Variants in PLIN1 observed in about 807,000 individuals in gnomAD.
PLIN1 encodes the protein perilipin 1.
In PLIN1, 37 loss-of-function variants were observed where a neutral mutation model predicts 45.8. The ratio of observed to expected loss-of-function variants is 0.81; its 90% confidence interval spans 0.62 to 1.06. The LOEUF is 1.06. Among genes scored for constraint, PLIN1 ranks in the 50% least tolerant of loss-of-function variants. The probability of loss-of-function intolerance (pLI) is 0.00; values close to 1 mark genes in which losing one functional copy is unlikely to be tolerated. For synonymous variants in PLIN1, 340 were observed against 309.2 expected, an observed-to-expected ratio of 1.10 and a Z score of -1.05; for missense variants, 776 against 716.5, an observed-to-expected ratio of 1.08 and a Z score of -0.95.
At chr15:89,667,853 C>T in intron 6 of PLIN1, 60 bp from the exon 7 acceptor site, 2 of 1,537,046 alleles carry the variant, frequency 1.3e-6, no homozygotes, top group East Asian at 4.9e-5. Flanking sequence ...CCAGGGAGCC[C>T]CAGCAGCCCA....
intron 1 of PLIN1, among the ~76,000 whole-genome samples, chr15:89,678,424 C>T (rs752177386): frequency 3.3e-5 from 5 of 151,552 alleles, no homozygotes; most frequent in South Asian, 2.1e-4. Flanking sequence ...GCAGGAGGAT[C>T]GCTTGAGCCT....
At position 89,665,562 on chromosome 15, in the gene PLIN1, C is replaced by T; in HGVS notation, c.*21G>A. 3.3e-6 allele frequency: 5 copies of T among 1,522,970 alleles called. No individual in the cohort carries two copies. Among genetic ancestry groups the T allele is most frequent in the Non-Finnish European group, 4.4e-6 (5 of 1,137,226 alleles). 94.3% of individuals were successfully genotyped at this position (1,522,970 alleles called of 1,614,324 possible). On this transcript the variant is annotated 3_prime_UTR_variant, in exon 9 of 9. Transcript: ENST00000300055. ...GTTAGAGAAACCCGCCGGCCCGGGG[C>T]GCGGCGGCTGGTGCGGCGACTCAGC...
chr15:89,666,999 G>A lies in PLIN1; in HGVS notation c.1146C>T (p.Ser382=), dbSNP rs1964353352. The change falls in exon 8 of 9, where the codon TCC becomes TCT. Residue 382 remains serine (S), a synonymous_variant. Transcript: ENST00000300055. ...AVSSTKGRAM[S]LSDALKGVTD... The stretch of plus-strand genomic sequence containing the variant: ...TAACGCCCTTCAGGGCATCTGATAG[G>A]GACATGGCCCTCCCCTTGGTTGAGG... 1 of 1,613,972 alleles carries A rather than the reference G, an allele frequency of 6.2e-7. No individual in the cohort carries two copies. The highest frequency in any genetic ancestry group is 1.1e-5 in the South Asian group (1 of 91,082).
chr15:89,665,718 T>C lies in PLIN1; in HGVS notation c.1434A>G (p.Ala478=). The change falls in exon 9 of 9, where the codon GCA becomes GCG. Residue 478 remains alanine, a synonymous_variant. Coordinates refer to ENST00000300055, the MANE Select transcript of PLIN1 (RefSeq NM_002666.5). ...CGGCCGGGAAGCCCGGGCGCGGCGC[T>C]GCGGGCGTGGCGACTTCGTCCTCCA... ...PGLEDEVATP[A]APRPGFPAVP... 1.4e-6 allele frequency: 2 copies of C among 1,462,342 alleles called. No homozygotes were observed. The highest frequency in any genetic ancestry group is 1.3e-5 in the South Asian group (1 of 76,372). The allele number at this position is 1,462,342 out of a possible 1,614,324, so 90.6% of individuals were successfully genotyped here.
intron 8 of PLIN1, 129 bp from the exon 9 acceptor site, chr15:89,666,071 G>C: frequency 1.6e-6 from 1 of 643,226 alleles, no homozygotes; most frequent in Non-Finnish European, 2.3e-6. Flanking sequence ...AGGCTGGGGA[G>C]CGGTTCAGTA....
At chr15:89,675,363 T>G (rs1408487340) in intron 2 of PLIN1, among the ~76,000 whole-genome samples, 5 of 149,146 alleles carry the variant, frequency 3.4e-5, no homozygotes, top group African/African-American at 1.2e-4. Flanking sequence ...TCCCAACACT[T>G]TGGGAGGCTG....
At position 89,667,648 on chromosome 15, in the gene PLIN1, G is replaced by A. The variant is rs756738288; in HGVS notation, c.917C>T (p.Thr306Met). Residue 306 changes from threonine to methionine, a missense_variant, in exon 7 of 9, where the codon ACG becomes ATG. Coordinates refer to ENST00000300055, the MANE Select transcript of PLIN1 (RefSeq NM_002666.5). ...EDQTDTEGED[T>M]EEEEELETEE... ...AGTCTCCAATTCTTCCTCCTCCTCC[G>A]TGTCCTCTCCCTCCGTGTCTGTCTG... is the stretch of plus-strand genomic sequence containing the variant. The A allele has an allele frequency of 6.3e-5, 102 of 1,610,376 alleles. No individual in the cohort carries two copies. Among genetic ancestry groups the A allele is most frequent in the East Asian group, 5.8e-4 (26 of 44,752 alleles).
intron 1 of PLIN1, chr15:89,677,753 C>CTT (rs766734035): frequency 1.6e-3 from 620 of 391,032 alleles, no homozygotes; most frequent in Middle Eastern, 2.9e-3. Context: ...TTCTTTCTTT[C>CTT]TTTTTTTTTT....
Position 89,667,040 on chromosome 15 carries a change from G to C in PLIN1, c.1105C>G (p.Pro369Ala), listed in dbSNP as rs143876987. The change falls in exon 8 of 9, where the codon CCA becomes GCA. Residue 369 changes from proline (P) to alanine (A), a missense_variant. Pro to Ala is a conservative substitution (Grantham distance 27). Transcript: ENST00000300055. ...TTGGTTGAGGAGACAGCAGGGGCTG[G>C]TGTGAGGTGCAGCACCCTCCCTGCC... is the stretch of plus-strand genomic sequence containing the variant. ...GMAGRVLHLT[P>A]APAVSSTKGR... 6.8e-6 allele frequency: 11 copies of C among 1,613,984 alleles called. No individual in the cohort carries two copies. Among genetic ancestry groups the C allele is most frequent in the Non-Finnish European group, 9.3e-6 (11 of 1,179,996 alleles).
rs1964317001 is a variant in PLIN1 at position 89,665,473 on chromosome 15, G to T, written c.*110C>A. ...GGCAGCATCATCAGGATGAGGCTGA[G>T]CTCCCCAGGGGACCACTTTGAAAGT... On this transcript the variant is annotated 3_prime_UTR_variant, in exon 9 of 9. Coordinates refer to ENST00000300055, the MANE Select transcript of PLIN1 (RefSeq NM_002666.5). 4 of 944,396 alleles carry T rather than the reference G, an allele frequency of 4.2e-6. No homozygotes were observed. The highest frequency in any genetic ancestry group is 3.0e-5 in the Admixed American group (1 of 33,674). 58.5% of individuals were successfully genotyped at this position (944,396 alleles called of 1,614,324 possible).
intron 1 of PLIN1, chr15:89,677,896 G>A (rs550073384): frequency 4.6e-5 from 8 of 172,370 alleles, no homozygotes; most frequent in South Asian, 2.9e-4. Context: ...GATTACAGGC[G>A]CCCACCACCA....
At chr15:89,678,067 A>C (rs1483031084) in intron 1 of PLIN1, 1 of 150,332 alleles carries the variant, frequency 6.7e-6, no homozygotes. Context: ...TAATTTTTGT[A>C]TTTTTAGTAG....
rs1359361401 is a variant in PLIN1 at position 89,670,016 on chromosome 15, C to A, written c.562G>T (p.Val188Leu). Reference protein sequence around the residue: ...DLALGSIEKVVEYLLPPDKEE... With the variant: ...DLALGSIEKVLEYLLPPDKEE... ...TTGTCTGGAGGGAGGAGGTACTCCACCACCTTCTCAATGCTGCCCAAGGCC... is the reference window on the plus strand; with the variant it reads ...TTGTCTGGAGGGAGGAGGTACTCCAACACCTTCTCAATGCTGCCCAAGGCC... Residue 188 changes from valine (V) to leucine (L), a missense_variant, in exon 5 of 9, where the codon GTG becomes TTG. Physicochemically the swap from Val to Leu is conservative, Grantham distance 32. Coordinates refer to ENST00000300055, the MANE Select transcript of PLIN1 (RefSeq NM_002666.5). The A allele has an allele frequency of 2.5e-6, 4 of 1,613,276 alleles. No homozygotes were observed. In the African/African-American group the frequency reaches 4.0e-5, roughly 16 times the overall value.
chr15:89,672,418 G>A (rs966818163), intron 3 of PLIN1, among the ~76,000 whole-genome samples: 1 of 152,160 alleles, frequency 6.6e-6, no homozygotes, highest in South Asian at 2.1e-4. Context: ...AGATGACTTG[G>A]CTGTCTTCCA....
At chr15:89,669,939 T>C (rs1160480575) in intron 5 of PLIN1, 41 bp downstream of exon 5, 2 of 1,586,838 alleles carry the variant, frequency 1.3e-6, no homozygotes, top group Non-Finnish European at 1.7e-6. Flanking sequence ...GCAGTGTGTG[T>C]GACAACTCAC....
At chr15:89,667,826 A>G (rs923756331) in intron 6 of PLIN1, 33 bp from the exon 7 acceptor site, 1 of 1,543,248 alleles carries the variant, frequency 6.5e-7, no homozygotes, top group Non-Finnish European at 8.7e-7. Flanking sequence ...AGCTGGCTCA[A>G]CTGCCCCTGC....
In PLIN1 at chr15:89,670,901, C is replaced by T. The variant is rs563790025; in HGVS notation, c.333+581G>A. Among the ~76,000 whole-genome samples the T allele has an allele frequency of 1.2e-4, 19 of 152,172 alleles. No homozygotes were observed. In the South Asian group the frequency reaches 2.9e-3, roughly 23 times the overall value. On this transcript the variant is annotated intron_variant, in intron 4 of 8. Transcript: ENST00000300055. Reference sequence around the variant, plus strand: ...CTTGATAAAGCATAGGTGATGGCCCCGGGCATAGGGTAGGGCTCAGTACCT... The same window carrying T: ...CTTGATAAAGCATAGGTGATGGCCCTGGGCATAGGGTAGGGCTCAGTACCT...
intron 2 of PLIN1, among the ~76,000 whole-genome samples, chr15:89,675,444 A>AAAAAAAAAAAAAAAAAAAAAAAAAAAC (rs1567080451): frequency 7.2e-6 from 1 of 138,486 alleles, no homozygotes; most frequent in African/African-American, 2.7e-5. Flanking sequence ...AAAAAAAAAA[A>AAAAAAAAAAAAAAAAAAAAAAAAAAAC]AAAGCTGGCC....
rs779989440 is a variant in PLIN1 at position 89,666,940 on chromosome 15, A to C, written c.1205T>G (p.Val402Gly). The change falls in exon 8 of 9, where the codon GTG becomes GGG. Residue 402 changes from valine (V) to glycine (G), a missense_variant. Physicochemically the swap from Val to Gly is moderately radical, Grantham distance 109 (BLOSUM62 -3). Coordinates refer to ENST00000300055, the MANE Select transcript of PLIN1 (RefSeq NM_002666.5). ...TTTGCCAGGGGTGGTACTCACCGGCACGTAATGCACCACTGTGTCCACCAC... is the reference window on the plus strand; with the variant it reads ...TTTGCCAGGGGTGGTACTCACCGGCCCGTAATGCACCACTGTGTCCACCAC... ...DNVVDTVVHYVPLPRLSLMEP... is the reference protein window; with the variant it reads ...DNVVDTVVHYGPLPRLSLMEP... The C allele has an allele frequency of 6.8e-6, 11 of 1,613,864 alleles. No homozygotes were observed. In the Admixed American group the frequency reaches 1.7e-4, roughly 24 times the overall value.
Sources: gnomAD v4.1 joint callset for allele counts (sites outside exome capture counted in the v4.1 genomes callset) on GRCh38, gnomAD v4.1.1 for gene constraint, MANE v1.5 for transcripts, NCBI Gene and HGNC (gene_info 2026-07-23, HGNC 2026-07-21) for gene names.